TF: variants seen among roughly 807,000 people sequenced by gnomAD.
TF encodes serotransferrin.
Under a neutral mutation model 82.4 loss-of-function variants are expected in TF, and 55 were observed. That is an observed-to-expected ratio of 0.67 (90% CI 0.54 to 0.84). The LOEUF (loss-of-function observed/expected upper bound fraction) is 0.84. Ranked by LOEUF, TF falls within the 40% of genes least tolerant of loss-of-function variation. TF has a pLI of 0.00. For missense variants in TF, 737 were observed against 868.4 expected (o/e 0.85, Z 1.90); for synonymous variants, 332 against 332.6 (o/e 1.00, Z 0.02).
the TF span, among the ~76,000 whole-genome samples, chr3:133,690,826 G>A: frequency 6.6e-6 from 1 of 152,158 alleles, no homozygotes; most frequent in African/African-American, 2.4e-5. Context: ...CCACGGGACG[G>A]ACTGAAACCC....
the TF span, among the ~76,000 whole-genome samples, chr3:133,671,524 C>G: frequency 6.6e-6 from 1 of 151,972 alleles, no homozygotes; most frequent in Admixed American, 6.6e-5. Flanking sequence ...TGGCTCACAG[C>G]TGTAATCTCA....
chr3:133,748,445 G>A lies in TF; in HGVS notation c.77G>A (p.Arg26Lys), dbSNP rs754016112. The A allele has an allele frequency of 1.9e-6, 3 of 1,614,172 alleles. No individual in the cohort carries two copies. Among genetic ancestry groups the A allele is most frequent in the Non-Finnish European group, 2.5e-6 (3 of 1,180,026 alleles). The change falls in exon 2 of 17, where the codon AGA becomes AAA. Residue 26 changes from arginine to lysine, a missense_variant. By Grantham distance (26) the Arg-to-Lys change is conservative (BLOSUM62 2). Coordinates refer to ENST00000402696, the MANE Select transcript of TF (RefSeq NM_001063.4). ...LCLAVPDKTV[R>K]WCAVSEHEAT... ...CTGGCTGTCCCTGATAAAACTGTGA[G>A]ATGGTGTGCAGTGTCGGAGCATGAG...
the TF span, chr3:133,691,817 A>G: frequency 0.6 from 90,886 of 152,316 alleles, 27,859 homozygotes; most frequent in African/African-American, 0.74. Context: ...GTAGAAATCT[A>G]TGGGTCAAAA....
At chr3:133,666,899 G>A in the TF span, among the ~76,000 whole-genome samples, 1 of 152,116 alleles carries the variant, frequency 6.6e-6, no homozygotes, top group Non-Finnish European at 1.5e-5. Flanking sequence ...AGCCAGGCGT[G>A]GTGGCGGGCG....
chr3:133,737,264 C>T, the TF span, among the ~76,000 whole-genome samples: 5 of 152,142 alleles, frequency 3.3e-5, no homozygotes, highest in East Asian at 9.7e-4. Context: ...TCTTTGAAAC[C>T]AATGAGAACA....
intron 9 of TF, chr3:133,760,417 T>C (rs552465447): frequency 6.5e-6 from 1 of 153,048 alleles, no homozygotes; most frequent in African/African-American, 2.4e-5. Flanking sequence ...TAACATATAT[T>C]CCATTTTAAT....
chr3:133,721,000 G>A, the TF span, among the ~76,000 whole-genome samples: 1 of 151,714 alleles, frequency 6.6e-6, no homozygotes, highest in Non-Finnish European at 1.5e-5. Flanking sequence ...TCTTTGTTTA[G>A]CTAAAGGTTT....
At chr3:133,775,121 A>C in intron 14 of TF, 1 of 425,270 alleles carries the variant, frequency 2.4e-6, no homozygotes, top group South Asian at 2.2e-5. Flanking sequence ...CAAGAGGTAC[A>C]GAAGGAATTG....
chr3:133,709,013 C>A, the TF span, among the ~76,000 whole-genome samples: 44 of 152,234 alleles, frequency 2.9e-4, no homozygotes, highest in East Asian at 7.9e-3. Flanking sequence ...AGACCTACTA[C>A]CTGCAAGACC....
At chr3:133,668,857 C>T in the TF span, among the ~76,000 whole-genome samples, 1 of 152,182 alleles carries the variant, frequency 6.6e-6, no homozygotes, top group African/African-American at 2.4e-5. Flanking sequence ...CACAAAAACC[C>T]TTGTTTGCAT....
the TF span, among the ~76,000 whole-genome samples, chr3:133,725,136 G>C: frequency 4.6e-5 from 7 of 151,992 alleles, no homozygotes; most frequent in South Asian, 4.1e-4. Context: ...CTTGGCGATG[G>C]GGGCTCTTTT....
At chr3:133,681,673 A>G in the TF span, among the ~76,000 whole-genome samples, 2 of 152,170 alleles carry the variant, frequency 1.3e-5, no homozygotes, top group Non-Finnish European at 2.9e-5. Flanking sequence ...CTCATTGCTG[A>G]GGCTTGAGTA....
intron 14 of TF, chr3:133,774,722 G>A (rs868015248): frequency 3.8e-4 from 74 of 195,416 alleles, no homozygotes; most frequent in South Asian, 2.9e-3. Context: ...TTAGTTATTC[G>A]GTTAAAGAAA....
chr3:133,713,473 G>A, the TF span, among the ~76,000 whole-genome samples: 3 of 152,202 alleles, frequency 2.0e-5, no homozygotes, highest in Non-Finnish European at 2.9e-5. Context: ...TAAAGGGGCC[G>A]CGGTGAGAAA....
chr3:133,674,426 C>T, the TF span, among the ~76,000 whole-genome samples: 3 of 152,192 alleles, frequency 2.0e-5, no homozygotes, highest in African/African-American at 7.2e-5. Context: ...TGCAGCCCTC[C>T]GGTCCCACGG....
At chr3:133,688,629 T>C in the TF span, among the ~76,000 whole-genome samples, 3 of 152,190 alleles carry the variant, frequency 2.0e-5, no homozygotes, top group Non-Finnish European at 2.9e-5. Flanking sequence ...AAAATACCTA[T>C]GTCAAGCAAA....
the TF span, among the ~76,000 whole-genome samples, chr3:133,737,200 T>C: frequency 6.6e-6 from 1 of 152,208 alleles, no homozygotes. Context: ...CTGAGCAACC[T>C]GTTCCTGAAT....
At chr3:133,674,218 G>C in the TF span, among the ~76,000 whole-genome samples, 1 of 152,232 alleles carries the variant, frequency 6.6e-6, no homozygotes, top group Admixed American at 6.5e-5. Flanking sequence ...GAGCTGCTGG[G>C]CTAGATGAGG....
intron 2 of TF, among the ~76,000 whole-genome samples, chr3:133,751,255 C>T (rs1351153473): frequency 1.8e-5 from 2 of 113,234 alleles, no homozygotes; most frequent in East Asian, 2.7e-4. Flanking sequence ...TTTTTTGAGA[C>T]GGAGTTTCGC....
Sources: allele counts gnomAD v4.1 joint callset (sites outside exome capture counted in the v4.1 genomes callset), GRCh38; gene constraint gnomAD v4.1.1; transcripts MANE v1.5; gene names NCBI Gene and HGNC (gene_info 2026-07-23, HGNC 2026-07-21).